Variants in KIF26B observed in about 807,000 individuals in gnomAD.
The protein encoded by KIF26B is kinesin-like protein KIF26B.
A neutral mutation model predicts 151.2 loss-of-function variants in KIF26B; 63 were observed. The ratio of observed to expected loss-of-function variants is 0.42; its 90% confidence interval spans 0.34 to 0.51. The LOEUF is 0.51. Among genes scored for constraint, KIF26B ranks in the 20% least tolerant of loss-of-function variants. The pLI, the probability that KIF26B is intolerant of heterozygous loss-of-function variation, is 0.07. For missense variants in KIF26B, 2,813 were observed against 2,913.6 expected, an observed-to-expected ratio of 0.97 and a Z score of 0.79; for synonymous variants, 1,357 against 1,262.1, an observed-to-expected ratio of 1.08 and a Z score of -1.59.
rs183937477 is a variant in KIF26B at position 245,253,896 on chromosome 1, A to G, written c.465+97213A>G. 9.7e-3 allele frequency among the ~76,000 whole-genome samples: 1,210 copies of G among 125,366 alleles called. 11 individuals carry two copies. Among genetic ancestry groups the G allele is most frequent in the African/African-American group, 0.034 (1,082 of 32,200 alleles). 82.2% of individuals were successfully genotyped at this position (125,366 alleles called of 152,430 possible). Reference sequence around the variant, plus strand: ...GCGATCCCTGCTCACTGCCAGCTCCACCTCCCGGGTTCACGCCATTCTCCT... The same window carrying G: ...GCGATCCCTGCTCACTGCCAGCTCCGCCTCCCGGGTTCACGCCATTCTCCT... On this transcript the variant is annotated intron_variant, in intron 2 of 14. Transcript: ENST00000407071.
At chr1:245,623,017 C>G (rs531920467) in intron 9 of KIF26B, among the ~76,000 whole-genome samples, 80 of 133,986 alleles carry the variant, frequency 6.0e-4, no homozygotes, top group Non-Finnish European at 1.1e-3. Flanking sequence ...GCTGCAGGAT[C>G]GTGAGCAAGT....
At chr1:245,155,529 C>G in intron 1 of KIF26B, 42 bp downstream of exon 1, 1 of 1,540,342 alleles carries the variant, frequency 6.5e-7, no homozygotes, top group East Asian at 2.3e-5. Context: ...TTACCAGACC[C>G]ATCTCGGCGG....
At position 245,279,815 on chromosome 1, in the gene KIF26B, A is replaced by G. The variant is rs148114636; in HGVS notation, c.466-87019A>G. Among the ~76,000 whole-genome samples, 620 of 152,050 alleles carry G rather than the reference A, an allele frequency of 4.1e-3. 2 individuals carry two copies. Among genetic ancestry groups the G allele is most frequent in the African/African-American group, 0.015 (602 of 41,484 alleles). On this transcript the variant is annotated intron_variant, in intron 2 of 14. Transcript: ENST00000407071. ...CTGAGGCATTTTATTATACAAAGTT[A>G]GTACTCATATACATAAACTAATAGG... is the stretch of plus-strand genomic sequence containing the variant.
intron 3 of KIF26B, among the ~76,000 whole-genome samples, chr1:245,388,041 T>C (rs819884): frequency 0.69 from 104,641 of 152,056 alleles, 36,305 homozygotes; most frequent in African/African-American, 0.78. Context: ...GCGGCAGAGT[T>C]GCGACCTCTC....
At chr1:245,337,638 T>G (rs1325966846) in intron 2 of KIF26B, among the ~76,000 whole-genome samples, 1 of 152,060 alleles carries the variant, frequency 6.6e-6, no homozygotes, top group Non-Finnish European at 1.5e-5. Context: ...CTGACTCACA[T>G]ATAGGAATTC....
intron 6 of KIF26B, among the ~76,000 whole-genome samples, chr1:245,604,441 A>C (rs1052913751): frequency 6.6e-6 from 1 of 152,194 alleles, no homozygotes; most frequent in Non-Finnish European, 1.5e-5. Context: ...CAAGAAGACA[A>C]AGTACTTTAT....
chr1:245,666,319 A>G (rs1283282396), intron 10 of KIF26B, among the ~76,000 whole-genome samples: 2 of 152,224 alleles, frequency 1.3e-5, no homozygotes, highest in Non-Finnish European at 2.9e-5. Context: ...GTGAAAGTCT[A>G]TCCAATTCTT....
intron 2 of KIF26B, among the ~76,000 whole-genome samples, chr1:245,173,332 AATT>A (rs1228538396): frequency 1.3e-5 from 2 of 152,028 alleles, no homozygotes; most frequent in African/African-American, 2.4e-5. Flanking sequence ...CACGCTGAAA[AATT>A]ATTATGAGAG....
chr1:245,334,430 T>C (rs1672181869), intron 2 of KIF26B, among the ~76,000 whole-genome samples: 1 of 152,208 alleles, frequency 6.6e-6, no homozygotes, highest in African/African-American at 2.4e-5. Context: ...GCCACCTAGG[T>C]CTTTACTGCC....
intron 2 of KIF26B, among the ~76,000 whole-genome samples, chr1:245,306,641 A>G (rs1366191359): frequency 6.6e-6 from 1 of 152,102 alleles, no homozygotes; most frequent in Admixed American, 6.6e-5. Flanking sequence ...ATTTATATGG[A>G]ATCCTCCCCA....
Position 245,685,032 on chromosome 1 carries a change from T to C in KIF26B, c.2422-373T>C, listed in dbSNP as rs565384834. 1.0e-3 allele frequency among the ~76,000 whole-genome samples: 154 copies of C among 151,848 alleles called. 1 individual carries two copies. The highest frequency in any genetic ancestry group is 3.6e-3 in the African/African-American group (148 of 41,492). On this transcript the variant is annotated intron_variant, in intron 11 of 14. Coordinates refer to ENST00000407071, the MANE Select transcript of KIF26B (RefSeq NM_018012.4). ...GGCAGCTGCTGAGGTGGGGGCCTTT[T>C]TCCCCCTTCTCTGTTTTGTACCTTT...
At chr1:245,662,750 GATAT>G (rs375336685) in intron 10 of KIF26B, among the ~76,000 whole-genome samples, 1,525 of 44,148 alleles carry the variant, frequency 0.035, 90 homozygotes, top group Middle Eastern at 0.081. Flanking sequence ...TATACCCAAT[GATAT>G]ATATACACAC....
chr1:245,656,796 A>G (rs745919440), intron 10 of KIF26B, among the ~76,000 whole-genome samples: 2 of 152,022 alleles, frequency 1.3e-5, no homozygotes, highest in Non-Finnish European at 2.9e-5. Flanking sequence ...GAGCATTAAC[A>G]GATTTTTTTT....
At chr1:245,650,480 A>G (rs115628720) in intron 10 of KIF26B, among the ~76,000 whole-genome samples, 2,965 of 152,336 alleles carry the variant, frequency 0.019, 102 homozygotes, top group African/African-American at 0.067. Flanking sequence ...AGCTCATCTG[A>G]AGGACCACAG....
At chr1:245,413,299 C>A (rs1358793721) in intron 3 of KIF26B, among the ~76,000 whole-genome samples, 1 of 152,198 alleles carries the variant, frequency 6.6e-6, no homozygotes, top group African/African-American at 2.4e-5. Flanking sequence ...ATGTATCTTT[C>A]ACAGTATCGC....
At chr1:245,692,510 G>A (rs2044639062) in intron 12 of KIF26B, among the ~76,000 whole-genome samples, 1 of 152,102 alleles carries the variant, frequency 6.6e-6, no homozygotes, top group Non-Finnish European at 1.5e-5. Flanking sequence ...GGATGGGACT[G>A]CAAACTCCCA....
At chr1:245,277,105 G>T (rs1473184481) in intron 2 of KIF26B, among the ~76,000 whole-genome samples, 3 of 152,162 alleles carry the variant, frequency 2.0e-5, no homozygotes, top group Non-Finnish European at 4.4e-5. Context: ...TAGGAGAGAG[G>T]TGTGGAATGG....
intron 2 of KIF26B, among the ~76,000 whole-genome samples, chr1:245,344,727 G>A (rs1470434204): frequency 6.6e-6 from 1 of 151,900 alleles, no homozygotes; most frequent in African/African-American, 2.4e-5. Flanking sequence ...TAGACGCACA[G>A]ATAATCTTTA....
At chr1:245,186,108 C>T (rs939079431) in intron 2 of KIF26B, among the ~76,000 whole-genome samples, 10 of 152,130 alleles carry the variant, frequency 6.6e-5, no homozygotes, top group Non-Finnish European at 1.5e-4. Flanking sequence ...CCCCTTACCT[C>T]GTGATCCACC....
Sources: allele counts gnomAD v4.1 joint callset (sites outside exome capture counted in the v4.1 genomes callset), GRCh38; gene constraint gnomAD v4.1.1; transcripts MANE v1.5; gene names NCBI Gene and HGNC (gene_info 2026-07-23, HGNC 2026-07-21).